Variants in DNAH8 observed in about 807,000 individuals in gnomAD.
DNAH8 encodes dynein axonemal heavy chain 8, also known as axonemal beta dynein heavy chain 8.
Under a neutral mutation model 562.1 loss-of-function variants are expected in DNAH8, and 382 were observed. The ratio of observed to expected loss-of-function variants is 0.68; its 90% CI spans 0.63 to 0.74. The LOEUF is 0.74. Among genes scored for constraint, DNAH8 ranks in the 30% least tolerant of loss-of-function variants. The pLI, the probability that DNAH8 is intolerant of heterozygous loss-of-function variation, is 0.00. For synonymous variants in DNAH8, 1,881 were observed against 1,919.4 expected (o/e 0.98, Z 0.52); for missense variants, 5,203 against 5,620.4 (o/e 0.93, Z 2.37).
chr6:38,867,540 C>T (rs1777133670), intron 47 of DNAH8, among the ~76,000 whole-genome samples: 1 of 150,044 alleles, frequency 6.7e-6, no homozygotes, highest in Non-Finnish European at 1.5e-5. Flanking sequence ...GTCGGGAGAT[C>T]GAGACCATCC....
chr6:38,719,130 A>C (rs1762553817), intron 1 of DNAH8, among the ~76,000 whole-genome samples: 1 of 152,194 alleles, frequency 6.6e-6, no homozygotes, highest in African/African-American at 2.4e-5. Flanking sequence ...ATGAGACTGA[A>C]TTCTTCAGGA....
intron 10 of DNAH8, among the ~76,000 whole-genome samples, chr6:38,760,761 C>G (rs566900926): frequency 6.6e-6 from 1 of 152,252 alleles, no homozygotes; most frequent in South Asian, 2.1e-4. Flanking sequence ...CCTGGCATCT[C>G]TCTCTTGCTT....
chr6:38,730,102 G>T, intron 4 of DNAH8, 116 bp downstream of exon 4: 1 of 583,810 alleles, frequency 1.7e-6, no homozygotes, highest in Non-Finnish European at 3.0e-6. Context: ...GTTACCAGAA[G>T]TTTATGTATA....
intron 62 of DNAH8, among the ~76,000 whole-genome samples, chr6:38,902,185 C>G (rs914618554): frequency 6.6e-6 from 1 of 152,056 alleles, no homozygotes; most frequent in Admixed American, 6.5e-5. Flanking sequence ...TTCTTGATAC[C>G]CTGGCATCTG....
At chr6:38,970,441 C>T (rs1763258137) in intron 82 of DNAH8, among the ~76,000 whole-genome samples, 1 of 152,052 alleles carries the variant, frequency 6.6e-6, no homozygotes, top group Non-Finnish European at 1.5e-5. Flanking sequence ...TAATACTTGG[C>T]CCATTTCAAT....
At chr6:38,835,639 C>T (rs140838819) in intron 32 of DNAH8, among the ~76,000 whole-genome samples, 37 of 152,114 alleles carry the variant, frequency 2.4e-4, no homozygotes, top group Non-Finnish European at 2.4e-4. Context: ...TACAAAGGCC[C>T]GGCAGAGAGG....
intron 88 of DNAH8, among the ~76,000 whole-genome samples, chr6:38,994,649 CT>C (rs5875650): frequency 0.55 from 64,298 of 117,902 alleles, 14,862 homozygotes; most frequent in East Asian, 0.77. Flanking sequence ...CTTTTTTTTT[CT>C]TTTTTTTTTT....
intron 13 of DNAH8, among the ~76,000 whole-genome samples, chr6:38,776,514 A>C (rs938029094): frequency 6.6e-6 from 1 of 152,174 alleles, no homozygotes; most frequent in Non-Finnish European, 1.5e-5. Flanking sequence ...CACTGCACCC[A>C]GCCTCATTTT....
chr6:38,880,888 C>T (rs1384682972), intron 53 of DNAH8, among the ~76,000 whole-genome samples: 4 of 151,954 alleles, frequency 2.6e-5, no homozygotes, highest in East Asian at 3.9e-4. Context: ...ATCAGCTGTG[C>T]GTGGTGGCGG....
intron 40 of DNAH8, 47 bp downstream of exon 40, chr6:38,852,845 CTT>C (rs1012037233): frequency 6.4e-5 from 93 of 1,452,908 alleles, no homozygotes; most frequent in Non-Finnish European, 8.2e-5. Flanking sequence ...TCTTTAAAAA[CTT>C]AGGTTGAGGA....
chr6:38,989,424 G>A (rs1764632248), intron 87 of DNAH8, among the ~76,000 whole-genome samples: 1 of 152,170 alleles, frequency 6.6e-6, no homozygotes. Flanking sequence ...ATAAGAAAGG[G>A]ATGTCTTAAG....
rs1343501062 is a variant in DNAH8, at chr6:38,954,036, G to C, written c.12451+2516G>C. Reference sequence around the variant, plus strand: ...AGCTACCCGAAAATAACATACGGATGGGACAGAATCAATAAGTTTTTGTAG... The same window carrying C: ...AGCTACCCGAAAATAACATACGGATCGGACAGAATCAATAAGTTTTTGTAG... On this transcript the variant is annotated intron_variant, in intron 82 of 92. Coordinates refer to ENST00000327475, the MANE Select transcript of DNAH8 (RefSeq NM_001206927.2). Among the ~76,000 whole-genome samples the C allele has an allele frequency of 2.0e-5, 3 of 152,078 alleles. No homozygotes were observed. The East Asian group carries it at 5.8e-4, about 29-fold the overall frequency.
intron 88 of DNAH8, among the ~76,000 whole-genome samples, chr6:39,001,185 C>T (rs113322824): frequency 0.011 from 1,618 of 152,052 alleles, 34 homozygotes; most frequent in African/African-American, 0.036. Context: ...AATTGGAATA[C>T]GGTTATTTAA....
intron 1 of DNAH8, among the ~76,000 whole-genome samples, chr6:38,715,976 T>TTGA (rs1562522054): frequency 8.5e-5 from 9 of 106,336 alleles, no homozygotes; most frequent in African/African-American, 3.3e-4. Context: ...TTTTTTTTTT[T>TTGA]GAGACGGAGT....
chr6:38,991,776 C>T (rs1054354247), intron 88 of DNAH8, among the ~76,000 whole-genome samples: 10 of 152,156 alleles, frequency 6.6e-5, no homozygotes, highest in African/African-American at 2.4e-4. Flanking sequence ...CTCCCTGGAA[C>T]CTCCCTCCTC....
At chr6:38,921,936 C>T (rs950268572) in intron 71 of DNAH8, among the ~76,000 whole-genome samples, 14 of 151,954 alleles carry the variant, frequency 9.2e-5, no homozygotes, top group Admixed American at 2.0e-4. Flanking sequence ...GGGAGTTGTT[C>T]TCTGGCGGGC....
intron 88 of DNAH8, among the ~76,000 whole-genome samples, chr6:38,994,269 G>A (rs956678119): frequency 1.3e-5 from 2 of 152,042 alleles, no homozygotes; most frequent in African/African-American, 2.4e-5. Context: ...ATATGTTAGG[G>A]ATAACAACCC....
At chr6:38,901,549 T>C (rs1324110965) in intron 62 of DNAH8, among the ~76,000 whole-genome samples, 1 of 152,190 alleles carries the variant, frequency 6.6e-6, no homozygotes, top group Non-Finnish European at 1.5e-5. Flanking sequence ...TTTGTATCAT[T>C]ACCTACTATA....
chr6:38,904,287 C>G (rs534313280), intron 62 of DNAH8, among the ~76,000 whole-genome samples: 1 of 151,926 alleles, frequency 6.6e-6, no homozygotes, highest in Non-Finnish European at 1.5e-5. Context: ...CTGGAGATAG[C>G]AATATAGAAG....
Sources: gnomAD v4.1 joint callset for allele counts (sites outside exome capture counted in the v4.1 genomes callset) on GRCh38, gnomAD v4.1.1 for gene constraint, MANE v1.5 for transcripts, NCBI Gene and HGNC (gene_info 2026-07-23, HGNC 2026-07-21) for gene names.